Variants in TCP10L observed in about 807,000 individuals in gnomAD.
TCP10L encodes T-complex protein 10A homolog 1.
A neutral mutation model predicts 19.2 loss-of-function variants in TCP10L; 11 were observed. That is an observed-to-expected ratio of 0.57 (90% CI 0.36 to 0.95). TCP10L has a LOEUF of 0.95. Among genes scored for constraint, TCP10L ranks in the 40% least tolerant of loss-of-function variants. The probability of loss-of-function intolerance (pLI) is 0.01; values close to 1 mark genes in which losing one functional copy is unlikely to be tolerated. For missense variants in TCP10L, 247 were observed against 263.9 expected (o/e 0.94, Z 0.44); for synonymous variants, 96 against 97.2 (o/e 0.99, Z 0.07).
chr21:32,583,428 A>G (rs1319068830), intron 2 of TCP10L, among the ~76,000 whole-genome samples: 1 of 151,624 alleles, frequency 6.6e-6, no homozygotes, highest in African/African-American at 2.4e-5. Context: ...TCTCTACTAA[A>G]AATACAAAAA....
intron 4 of TCP10L, 90 bp from the exon 5 acceptor site, chr21:32,577,013 T>C (rs1212827534): frequency 1.0e-5 from 14 of 1,345,100 alleles, no homozygotes; most frequent in East Asian, 7.0e-5. Flanking sequence ...TATCACAGAA[T>C]GTAGATGATT....
Position 32,576,904 on chromosome 21 carries a change from TCTA to T in TCP10L, c.515_517del (p.Ile172_Glu173delinsLys). ...TGGTGTTTTCCACGAGCTAATTCTT[TCTA>T]TCTTTAAACTCATTGGCTGAAAACA... On this transcript the variant is annotated inframe_deletion, in exon 5 of 5. Transcript: ENST00000300258. 1 of 1,613,602 alleles carries T rather than the reference TCTA, an allele frequency of 6.2e-7. No individual in the cohort carries two copies. The highest frequency in any genetic ancestry group is 8.5e-7 in the Non-Finnish European group (1 of 1,179,912).
chr21:32,574,272 G>C lies in TCP10L; in HGVS notation c.*2502C>G, dbSNP rs2038406889. 1 of 152,142 alleles carries C rather than the reference G, an allele frequency of 6.6e-6. No homozygotes were observed. Among genetic ancestry groups the C allele is most frequent in the African/African-American group, 2.4e-5 (1 of 41,436 alleles). 9.4% of individuals were successfully genotyped at this position (152,142 alleles called of 1,614,324 possible). On this transcript the variant is annotated 3_prime_UTR_variant, in exon 5 of 5. Coordinates refer to ENST00000300258, the MANE Select transcript of TCP10L (RefSeq NM_144659.7). ...TCAATTGAGAACTGTAAATCAAAAT[G>C]ATAAAAAATGAAACTTTGACTTGGG...
Position 32,576,283 on chromosome 21 carries a change from C to T in TCP10L, c.*491G>A. The stretch of plus-strand genomic sequence containing the variant: ...GGAAGCCTGCACTGGTGATTTTCTG[C>T]CACTCAAGTTTTGCAGACTTCGGGA... On this transcript the variant is annotated 3_prime_UTR_variant, in exon 5 of 5. Coordinates refer to ENST00000300258, the MANE Select transcript of TCP10L (RefSeq NM_144659.7). 1 of 1,574,466 alleles carries T rather than the reference C, an allele frequency of 6.4e-7. No homozygotes were observed. Among genetic ancestry groups the T allele is most frequent in the South Asian group, 1.1e-5 (1 of 88,104 alleles).
At chr21:32,583,631 C>T (rs1048313076) in intron 2 of TCP10L, among the ~76,000 whole-genome samples, 35 of 150,662 alleles carry the variant, frequency 2.3e-4, no homozygotes, top group African/African-American at 8.3e-4. Context: ...GAAGCCACTG[C>T]ATTTTCAACC....
chr21:32,583,348 G>A (rs1195560551), intron 2 of TCP10L, among the ~76,000 whole-genome samples: 1 of 151,942 alleles, frequency 6.6e-6, no homozygotes, highest in East Asian at 1.9e-4. Flanking sequence ...CCAGCACTTT[G>A]GGAGGCCGAG....
chr21:32,577,064 A>C (rs1167765695), intron 4 of TCP10L, 141 bp from the exon 5 acceptor site: 9 of 849,676 alleles, frequency 1.1e-5, no homozygotes, highest in Non-Finnish European at 1.6e-5. Context: ...AGGTATCCAC[A>C]CTTAGTGTCT....
chr21:32,577,233 G>A (rs931161327), intron 4 of TCP10L, among the ~76,000 whole-genome samples: 1 of 152,208 alleles, frequency 6.6e-6, no homozygotes, highest in Non-Finnish European at 1.5e-5. Context: ...ACAATTGATG[G>A]TTTCAAGGCG....
At position 32,578,734 on chromosome 21, in the gene TCP10L, A is replaced by G; in HGVS notation, c.458T>C (p.Leu153Pro). The G allele has an allele frequency of 3.7e-6, 6 of 1,614,204 alleles. No individual in the cohort carries two copies. Among genetic ancestry groups the G allele is most frequent in the Non-Finnish European group, 5.1e-6 (6 of 1,180,044 alleles). Reference sequence around the variant, plus strand: ...ATTGTTAGATGACGATCTTTGTCCCAGGAGAGTGGCACTCTGATTCTTGTG... The same window carrying G: ...ATTGTTAGATGACGATCTTTGTCCCGGGAGAGTGGCACTCTGATTCTTGTG... The part of the protein sequence containing the change: ...AGHKNQSATL[L>P]GQRSSSNNSA... Residue 153 changes from leucine (L) to proline (P), a missense_variant, in exon 4 of 5, where the codon CTG becomes CCG. Physicochemically the swap from Leu to Pro is moderately conservative, Grantham distance 98. Transcript: ENST00000300258. The surrounding 1 kb of genome is among the most constrained non-coding windows in gnomAD (Gnocchi z 4.2).
At position 32,580,013 on chromosome 21, in the gene TCP10L, A is replaced by C. The variant is rs568680855; in HGVS notation, c.361-1182T>G. Among the ~76,000 whole-genome samples, 5 of 152,290 alleles carry C rather than the reference A, an allele frequency of 3.3e-5. No homozygotes were observed. In the East Asian group the frequency reaches 9.7e-4, roughly 29 times the overall value. On this transcript the variant is annotated intron_variant, in intron 3 of 4. Coordinates refer to ENST00000300258, the MANE Select transcript of TCP10L (RefSeq NM_144659.7). ...AGGCAGCAGAAGCCATCTCCATGGA[A>C]ACAAAGCTCTCGCAGAGCTCCCGAA... is the stretch of plus-strand genomic sequence containing the variant.
chr21:32,579,448 G>A (rs1044403161), intron 3 of TCP10L, among the ~76,000 whole-genome samples: 22 of 152,156 alleles, frequency 1.4e-4, no homozygotes, highest in Admixed American at 1.4e-3. Context: ...GTGGGTGCTC[G>A]AGTCTCAGCC....
Position 32,578,311 on chromosome 21 carries a change from G to A in TCP10L, c.498+383C>T, listed in dbSNP as rs190248943. On this transcript the variant is annotated intron_variant, in intron 4 of 4. Coordinates refer to ENST00000300258, the MANE Select transcript of TCP10L (RefSeq NM_144659.7). The surrounding 1 kb of genome is among the most constrained non-coding windows in gnomAD (Gnocchi z 4.2). Reference sequence around the variant, plus strand: ...GCCGACAAGCAGCAGGTGCAAGACCGCAGTGCAGAAGCAGGGAGCACGGGA... The same window carrying A: ...GCCGACAAGCAGCAGGTGCAAGACCACAGTGCAGAAGCAGGGAGCACGGGA... Among the ~76,000 whole-genome samples the A allele has an allele frequency of 2.6e-3, 400 of 152,320 alleles. 5 individuals carry two copies. Among genetic ancestry groups the A allele is most frequent in the African/African-American group, 9.0e-3 (375 of 41,570 alleles).
chr21:32,579,803 G>GA (rs973871374), intron 3 of TCP10L, among the ~76,000 whole-genome samples: 6 of 152,102 alleles, frequency 3.9e-5, no homozygotes, highest in Admixed American at 3.3e-4. Flanking sequence ...TATATGTAGG[G>GA]AAAAAAATCC....
chr21:32,577,890 C>A (rs1447579153), intron 4 of TCP10L, among the ~76,000 whole-genome samples: 3 of 152,288 alleles, frequency 2.0e-5, no homozygotes, highest in East Asian at 3.9e-4. Flanking sequence ...TAAATTGTTT[C>A]TATAGATTAT....
chr21:32,583,641 C>T (rs888256806), intron 2 of TCP10L, among the ~76,000 whole-genome samples: 1 of 151,352 alleles, frequency 6.6e-6, no homozygotes, highest in Non-Finnish European at 1.5e-5. Context: ...CATTTTCAAC[C>T]TAACATGTTA....
chr21:32,578,939 A>G lies in TCP10L; in HGVS notation c.361-108T>C. 3 of 1,545,390 alleles carry G rather than the reference A, an allele frequency of 1.9e-6. No homozygotes were observed. Among genetic ancestry groups the G allele is most frequent in the Non-Finnish European group, 1.8e-6 (2 of 1,142,476 alleles). Reference sequence around the variant, plus strand: ...AATGTCCTAGAAAAAAATAGGGTACAAGGTAGGGGGACTTGGACTGGGTTT... The same window carrying G: ...AATGTCCTAGAAAAAAATAGGGTACGAGGTAGGGGGACTTGGACTGGGTTT... On this transcript the variant is annotated intron_variant, in intron 3 of 4. Coordinates refer to ENST00000300258, the MANE Select transcript of TCP10L (RefSeq NM_144659.7). This position sits in a 1 kb window ranked among gnomAD's most constrained non-coding sequence, Gnocchi z 4.2.
In TCP10L at chr21:32,578,747, T is replaced by G; in HGVS notation, c.445A>C (p.Ser149Arg). 1 of 1,614,210 alleles carries G rather than the reference T, an allele frequency of 6.2e-7. No individual in the cohort carries two copies. Among genetic ancestry groups the G allele is most frequent in the Non-Finnish European group, 8.5e-7 (1 of 1,180,052 alleles). The change falls in exon 4 of 5, where the codon AGT becomes CGT. Residue 149 changes from serine to arginine, a missense_variant. By Grantham distance (110) the Ser-to-Arg change is moderately radical. Coordinates refer to ENST00000300258, the MANE Select transcript of TCP10L (RefSeq NM_144659.7). This position sits in a 1 kb window ranked among gnomAD's most constrained non-coding sequence, Gnocchi z 4.2. ...IPKYAGHKNQ[S>R]ATLLGQRSSS... ...GATCTTTGTCCCAGGAGAGTGGCAC[T>G]CTGATTCTTGTGGCCAGCGTATTTG...
chr21:32,576,134 G>A lies in TCP10L; in HGVS notation c.*640C>T, dbSNP rs1342419858. The A allele has an allele frequency of 3.6e-6, 3 of 834,704 alleles. 1 individual carries two copies. The Admixed American group carries it at 8.4e-5, about 23-fold the overall frequency. The allele number at this position is 834,704 out of a possible 1,614,324, so 51.7% of individuals were successfully genotyped here. On this transcript the variant is annotated 3_prime_UTR_variant, in exon 5 of 5. Coordinates refer to ENST00000300258, the MANE Select transcript of TCP10L (RefSeq NM_144659.7). The stretch of plus-strand genomic sequence containing the variant: ...GGACATGTCCTTGCCATAGTAAGAT[G>A]TTCTGCTCACGCGTATCCACGAGAA...
chr21:32,580,025 G>A (rs750450623), intron 3 of TCP10L, among the ~76,000 whole-genome samples: 31 of 152,288 alleles, frequency 2.0e-4, no homozygotes, highest in African/African-American at 6.7e-4. Flanking sequence ...CAAAGCTCTC[G>A]CAGAGCTCCC....
Sources: allele counts gnomAD v4.1 joint callset (sites outside exome capture counted in the v4.1 genomes callset), GRCh38; gene constraint gnomAD v4.1.1; non-coding constraint Gnocchi (gnomAD v3.1); transcripts MANE v1.5; gene names NCBI Gene and HGNC (gene_info 2026-07-23, HGNC 2026-07-21).